Variants in DAW1 observed in about 807,000 individuals in gnomAD.
DAW1 encodes the protein dynein assembly factor with WD repeats 1.
Under a neutral mutation model 56.5 loss-of-function variants are expected in DAW1, and 47 were observed. The ratio of observed to expected loss-of-function variants is 0.83; its 90% confidence interval spans 0.66 to 1.06. The LOEUF (loss-of-function observed/expected upper bound fraction) is 1.06. Ranked by LOEUF, DAW1 falls within the 50% of genes least tolerant of loss-of-function variation. The probability of loss-of-function intolerance (pLI) is 0.00; values close to 1 mark genes in which losing one functional copy is unlikely to be tolerated. For missense variants in DAW1, 505 were observed against 499.3 expected (o/e 1.01, Z -0.11); for synonymous variants, 190 against 179.0 (o/e 1.06, Z -0.49).
intron 11 of DAW1, 40 bp from the exon 12 acceptor site, chr2:227,921,359 A>G (rs968264270): frequency 6.1e-6 from 8 of 1,314,510 alleles, no homozygotes; most frequent in Non-Finnish European, 7.0e-6. Flanking sequence ...TTTGGGAACC[A>G]TTACACAAAG....
At chr2:227,873,659 A>G (rs1233993464) in intron 1 of DAW1, among the ~76,000 whole-genome samples, 1 of 152,150 alleles carries the variant, frequency 6.6e-6, no homozygotes, top group Non-Finnish European at 1.5e-5. Context: ...TATATATATG[A>G]CAGTATCTAG....
chr2:227,906,308 A>G lies in DAW1; in HGVS notation c.828A>G (p.Ile276Met). 3 of 1,612,762 alleles carry G rather than the reference A, an allele frequency of 1.9e-6. No individual in the cohort carries two copies. Among genetic ancestry groups the G allele is most frequent in the Non-Finnish European group, 2.5e-6 (3 of 1,179,114 alleles). Reference sequence around the variant, plus strand: ...CATTCAATTGGGATTGCTCTCTAATATTAACTGGCTCTATGGACAAAACCT... The same window carrying G: ...CATTCAATTGGGATTGCTCTCTAATGTTAACTGGCTCTATGGACAAAACCT... ...SASFNWDCSL[I>M]LTGSMDKTCK... The change falls in exon 9 of 13, where the codon ATA (isoleucine) becomes ATG (methionine). Residue 276 changes from isoleucine (I) to methionine (M), a missense_variant. Physicochemically the swap from Ile to Met is conservative, Grantham distance 10. Coordinates refer to ENST00000309931, the MANE Select transcript of DAW1 (RefSeq NM_178821.3).
At chr2:227,908,681 C>A (rs1302764632) in intron 10 of DAW1, among the ~76,000 whole-genome samples, 1 of 152,198 alleles carries the variant, frequency 6.6e-6, no homozygotes, top group African/African-American at 2.4e-5. Context: ...ATCTCCCTGA[C>A]AATTTCCTAT....
chr2:227,922,772 A>T (rs1361323345), intron 12 of DAW1, among the ~76,000 whole-genome samples: 1 of 152,172 alleles, frequency 6.6e-6, no homozygotes, highest in Non-Finnish European at 1.5e-5. Flanking sequence ...TGGGCTTATG[A>T]TTTTCAAGTG....
Position 227,924,019 on chromosome 2 carries a change from C to T in DAW1, c.*51C>T, listed in dbSNP as rs774101860. On this transcript the variant is annotated 3_prime_UTR_variant, in exon 13 of 13. Coordinates refer to ENST00000309931, the MANE Select transcript of DAW1 (RefSeq NM_178821.3). ...CCTTGCTAGCAATGGTAATCAAGAA[C>T]TGGAACTTCACAGACAGCAGCTCTC... The T allele has an allele frequency of 1.9e-6, 3 of 1,604,258 alleles. No homozygotes were observed. The highest frequency in any genetic ancestry group is 2.2e-5 in the East Asian group (1 of 44,698).
In DAW1 at chr2:227,884,444, T is replaced by G. The variant is rs545861450; in HGVS notation, c.41-907T>G. 1.7e-3 allele frequency among the ~76,000 whole-genome samples: 265 copies of G among 152,334 alleles called. 5 individuals are homozygous for G. Among genetic ancestry groups the G allele is most frequent in the Non-Finnish European group, 4.4e-4 (30 of 68,032 alleles). On this transcript the variant is annotated intron_variant, in intron 1 of 12. Transcript: ENST00000309931. ...CTTGATCCTATCTAAACCTTCTAAT[T>G]TGGCGAAATCTGCTTAGATTTGTCA... is the stretch of plus-strand genomic sequence containing the variant.
At chr2:227,884,495 G>C (rs1691076864) in intron 1 of DAW1, among the ~76,000 whole-genome samples, 1 of 152,156 alleles carries the variant, frequency 6.6e-6, no homozygotes, top group South Asian at 2.1e-4. Context: ...TACTTTTGCG[G>C]GCGTTGGTTA....
intron 4 of DAW1, 87 bp downstream of exon 4, chr2:227,891,400 A>G (rs964010121): frequency 1.0e-5 from 12 of 1,147,006 alleles, no homozygotes; most frequent in Admixed American, 3.8e-5. Context: ...ATAAGTACAT[A>G]ATATATTCAT....
At chr2:227,905,817 T>C (rs967625692) in intron 8 of DAW1, among the ~76,000 whole-genome samples, 1 of 152,224 alleles carries the variant, frequency 6.6e-6, no homozygotes, top group Non-Finnish European at 1.5e-5. Context: ...TGCAGTGGCG[T>C]GATCTCGGCT....
intron 1 of DAW1, among the ~76,000 whole-genome samples, chr2:227,880,000 A>G (rs1422069137): frequency 6.6e-6 from 1 of 152,216 alleles, no homozygotes; most frequent in African/African-American, 2.4e-5. Flanking sequence ...AAGTAAAATC[A>G]TTATAATTAC....
chr2:227,923,859 T>C (rs1005548063), intron 12 of DAW1, 75 bp from the exon 13 acceptor site: 7 of 1,571,686 alleles, frequency 4.5e-6, no homozygotes, highest in Admixed American at 3.5e-5. Flanking sequence ...GCCCAGAAAA[T>C]GTCAACTTGT....
chr2:227,918,286 G>GA (rs1692022797), intron 10 of DAW1, among the ~76,000 whole-genome samples: 1 of 152,086 alleles, frequency 6.6e-6, no homozygotes, highest in South Asian at 2.1e-4. Context: ...GGCAGAGCAG[G>GA]AAAAAAGCAT....
chr2:227,905,775 G>A (rs1691661803), intron 8 of DAW1, among the ~76,000 whole-genome samples: 1 of 151,518 alleles, frequency 6.6e-6, no homozygotes, highest in African/African-American at 2.4e-5. Context: ...TAGTTTTTGA[G>A]ACGGAGTCTC....
intron 2 of DAW1, 83 bp downstream of exon 2, chr2:227,885,506 T>C (rs113685872): frequency 1.6e-5 from 16 of 996,678 alleles, no homozygotes; most frequent in South Asian, 1.5e-4. Context: ...CTGCATAAAC[T>C]GCAGATAATA....
At chr2:227,904,387 T>C (rs920460453) in intron 7 of DAW1, among the ~76,000 whole-genome samples, 1 of 152,216 alleles carries the variant, frequency 6.6e-6, no homozygotes, top group Non-Finnish European at 1.5e-5. Context: ...CCCATTATCT[T>C]ACAGTTTGAT....
intron 9 of DAW1, 56 bp from the exon 10 acceptor site, chr2:227,907,082 C>A: frequency 7.4e-7 from 1 of 1,348,152 alleles, no homozygotes; most frequent in Non-Finnish European, 1.0e-6. Flanking sequence ...CATCTTCACA[C>A]TTCAGACAGA....
intron 10 of DAW1, among the ~76,000 whole-genome samples, chr2:227,913,556 A>C (rs1308632025): frequency 2.0e-5 from 3 of 152,134 alleles, no homozygotes; most frequent in Non-Finnish European, 4.4e-5. Context: ...TGCTGCATTC[A>C]TGCATGTCGT....
chr2:227,882,383 C>T (rs114637697), intron 1 of DAW1, among the ~76,000 whole-genome samples: 305 of 152,296 alleles, frequency 2.0e-3, no homozygotes, highest in African/African-American at 6.9e-3. Context: ...TGACACCAAA[C>T]TCTAATAGTG....
At chr2:227,915,951 C>T (rs1691944560) in intron 10 of DAW1, among the ~76,000 whole-genome samples, 1 of 152,094 alleles carries the variant, frequency 6.6e-6, no homozygotes, top group Non-Finnish European at 1.5e-5. Flanking sequence ...ATGTTTGTGC[C>T]ATCACCTTGA....
Sources: gnomAD v4.1 joint callset for allele counts (sites outside exome capture counted in the v4.1 genomes callset) on GRCh38, gnomAD v4.1.1 for gene constraint, MANE v1.5 for transcripts, NCBI Gene and HGNC (gene_info 2026-07-23, HGNC 2026-07-21) for gene names.